The following GSTCD variants were observed in gnomAD, a reference collection of about 807,000 sequenced individuals.
GSTCD encodes the protein glutathione S-transferase C-terminal domain containing.
GSTCD carries 44 observed loss-of-function variants against 68.3 expected under a neutral mutation model. The ratio of observed to expected loss-of-function variants is 0.64; its 90% CI spans 0.51 to 0.83. The LOEUF (loss-of-function observed/expected upper bound fraction) is 0.83, where lower values mean the gene tolerates loss of function less well. Ranked by LOEUF, GSTCD falls within the 40% of genes least tolerant of loss-of-function variation. GSTCD has a pLI of 0.00. For synonymous variants in GSTCD, 273 were observed against 255.2 expected (o/e 1.07, Z -0.67); for missense variants, 739 against 735.9 (o/e 1.00, Z -0.05).
At chr4:105,752,832 A>C (rs996120598) in intron 5 of GSTCD, among the ~76,000 whole-genome samples, 4 of 152,080 alleles carry the variant, frequency 2.6e-5, no homozygotes, top group Admixed American at 6.6e-5. Context: ...TTTTGCTTCA[A>C]AGGCTAAAAC....
chr4:105,798,492 A>G (rs1183935601), intron 5 of GSTCD, among the ~76,000 whole-genome samples: 1 of 152,102 alleles, frequency 6.6e-6, no homozygotes, highest in African/African-American at 2.4e-5. Context: ...GTGTTATGAA[A>G]TGAAGTTGTT....
At chr4:105,737,195 C>T (rs1733491349) in intron 5 of GSTCD, among the ~76,000 whole-genome samples, 1 of 152,172 alleles carries the variant, frequency 6.6e-6, no homozygotes, top group South Asian at 2.1e-4. Flanking sequence ...TACTAGTTTA[C>T]ATTCCTACCA....
chr4:105,828,160 G>A (rs923658481), intron 8 of GSTCD, among the ~76,000 whole-genome samples: 13 of 152,096 alleles, frequency 8.5e-5, no homozygotes, highest in Admixed American at 5.2e-4. Flanking sequence ...TCATCAACAT[G>A]TATATGAAAA....
At chr4:105,767,494 TTTATTA>T (rs369066485) in intron 5 of GSTCD, among the ~76,000 whole-genome samples, 141,379 of 152,218 alleles carry the variant, frequency 0.93, 65,688 homozygotes, top group East Asian at 0.97. Flanking sequence ...TTTCAATGGT[TTTATTA>T]GGTTTTATTA....
At chr4:105,794,837 A>C in intron 5 of GSTCD, among the ~76,000 whole-genome samples, 1 of 93,296 alleles carries the variant, frequency 1.1e-5, no homozygotes, top group East Asian at 2.3e-4. Context: ...CTATCTATCT[A>C]TTTATCTATC....
chr4:105,758,490 C>T (rs1734280120), intron 5 of GSTCD, among the ~76,000 whole-genome samples: 1 of 152,128 alleles, frequency 6.6e-6, no homozygotes, highest in African/African-American at 2.4e-5. Flanking sequence ...TCTCTTGCTC[C>T]CATTCTTGTC....
At position 105,724,935 on chromosome 4, in the gene GSTCD, T is replaced by C. The variant is rs558255778; in HGVS notation, c.895-1644T>C. The stretch of plus-strand genomic sequence containing the variant: ...CAGTGTGTTAAGAACTTATCAAGTA[T>C]ATAGAGGGTCAGGAACAGAGGAATG... On this transcript the variant is annotated intron_variant, in intron 3 of 11. Coordinates refer to ENST00000515279, the MANE Select transcript of GSTCD (RefSeq NM_001370181.1). Among the ~76,000 whole-genome samples the C allele has an allele frequency of 1.3e-4, 20 of 152,102 alleles. 1 individual carries two copies. The South Asian group carries it at 3.9e-3, about 30-fold the overall frequency.
In GSTCD at chr4:105,822,984, A is replaced by G. The variant is rs1459136578; in HGVS notation, c.1271A>G (p.Lys424Arg). 2 of 1,613,568 alleles carry G rather than the reference A, an allele frequency of 1.2e-6. No individual in the cohort carries two copies. The highest frequency in any genetic ancestry group is 1.7e-6 in the Non-Finnish European group (2 of 1,179,654). The part of the protein sequence containing the change: ...GKMSSDRALR[K>R]QQQLNNLVYV... ...ATGTCCAGTGATCGAGCTTTGAGGAAGCAGCAACAGTTGAACAACCTTGTC... is the reference window on the plus strand; with the variant it reads ...ATGTCCAGTGATCGAGCTTTGAGGAGGCAGCAACAGTTGAACAACCTTGTC... Residue 424 changes from lysine to arginine, a missense_variant, in exon 6 of 12, where the codon AAG becomes AGG. By Grantham distance (26) the Lys-to-Arg change is conservative (BLOSUM62 2). Transcript: ENST00000515279.
intron 5 of GSTCD, among the ~76,000 whole-genome samples, chr4:105,754,420 CA>C: frequency 6.6e-6 from 1 of 152,116 alleles, no homozygotes; most frequent in South Asian, 2.1e-4. Context: ...TATTAGTTAT[CA>C]ATAGTATAAT....
chr4:105,844,131 T>C (rs1348985427), intron 11 of GSTCD, among the ~76,000 whole-genome samples: 1 of 152,098 alleles, frequency 6.6e-6, no homozygotes, highest in Non-Finnish European at 1.5e-5. Context: ...AAGCCAAGGG[T>C]AGATGAGCTC....
At chr4:105,789,483 G>A (rs1186974625) in intron 5 of GSTCD, among the ~76,000 whole-genome samples, 1 of 151,880 alleles carries the variant, frequency 6.6e-6, no homozygotes, top group Non-Finnish European at 1.5e-5. Context: ...GCAGGATCCT[G>A]TTCAAGTACT....
intron 8 of GSTCD, among the ~76,000 whole-genome samples, chr4:105,833,704 CT>C (rs1288577140): frequency 1.3e-5 from 2 of 151,856 alleles, no homozygotes; most frequent in African/African-American, 4.8e-5. Flanking sequence ...TTTATTTGGC[CT>C]AAGAATTTTC....
intron 5 of GSTCD, among the ~76,000 whole-genome samples, chr4:105,759,656 A>T (rs1392178091): frequency 6.6e-6 from 1 of 152,232 alleles, no homozygotes; most frequent in Non-Finnish European, 1.5e-5. Flanking sequence ...AGGGAAAAAT[A>T]GTATGGGAGG....
At chr4:105,728,605 T>G (rs1235544012) in intron 4 of GSTCD, among the ~76,000 whole-genome samples, 1 of 151,982 alleles carries the variant, frequency 6.6e-6, no homozygotes, top group Non-Finnish European at 1.5e-5. Flanking sequence ...GATGCTAGAG[T>G]CTCACAGATT....
intron 5 of GSTCD, among the ~76,000 whole-genome samples, chr4:105,772,332 C>G (rs1734883480): frequency 6.6e-6 from 1 of 152,156 alleles, no homozygotes. Flanking sequence ...TTCCTCTCTT[C>G]CTATTTGAAT....
intron 5 of GSTCD, among the ~76,000 whole-genome samples, chr4:105,756,495 TACAC>T (rs3055931): frequency 0.024 from 3,273 of 138,928 alleles, 35 homozygotes; most frequent in East Asian, 0.042. Context: ...CCTATGCACA[TACAC>T]ACACACACAC....
At chr4:105,766,988 C>A (rs1291038024) in intron 5 of GSTCD, among the ~76,000 whole-genome samples, 1 of 136,248 alleles carries the variant, frequency 7.3e-6, no homozygotes, top group African/African-American at 2.7e-5. Flanking sequence ...AAGCTTTGGA[C>A]AATTGAATTG....
At chr4:105,839,511 T>TCAATTACTTAATCTCAATTACTCA (rs1724252557) in intron 10 of GSTCD, among the ~76,000 whole-genome samples, 3 of 152,146 alleles carry the variant, frequency 2.0e-5, no homozygotes, top group Non-Finnish European at 2.9e-5. Context: ...GACACACACC[T>TCAATTACTTAATCTCAATTACTCA]GTAATCTCAA....
At chr4:105,825,900 CAA>C in intron 8 of GSTCD, 100 bp downstream of exon 8, 5 of 650,284 alleles carry the variant, frequency 7.7e-6, no homozygotes, top group Non-Finnish European at 1.0e-5. Context: ...CTTTGCCAAA[CAA>C]ATTTATAATT....
Sources: gnomAD v4.1 joint callset for allele counts (sites outside exome capture counted in the v4.1 genomes callset) on GRCh38, gnomAD v4.1.1 for gene constraint, MANE v1.5 for transcripts, NCBI Gene and HGNC (gene_info 2026-07-23, HGNC 2026-07-21) for gene names.